The following DCHS2 variants were observed in gnomAD, a reference collection of about 807,000 sequenced individuals.
DCHS2 encodes the protein dachsous cadherin-related 2.
A neutral mutation model predicts 182.4 loss-of-function variants in DCHS2; 142 were observed. The observed-to-expected ratio is 0.78, with a 90% CI of 0.68 to 0.89. The LOEUF is 0.89. Among genes scored for constraint, DCHS2 ranks in the 40% least tolerant of loss-of-function variants. DCHS2 has a pLI of 0.00. For missense variants in DCHS2, 4,319 were observed against 4,198.6 expected (o/e 1.03, Z -0.79); for synonymous variants, 1,740 against 1,663.3 (o/e 1.05, Z -1.12).
intron 1 of DCHS2, among the ~76,000 whole-genome samples, chr4:154,477,285 T>G (rs1735727882): frequency 6.6e-6 from 1 of 152,142 alleles, no homozygotes; most frequent in Non-Finnish European, 1.5e-5. Flanking sequence ...AATTCCATCA[T>G]GCAGATGCAA....
intron 14 of DCHS2, among the ~76,000 whole-genome samples, chr4:154,267,195 T>A (rs954088733): frequency 2.0e-5 from 3 of 152,188 alleles, no homozygotes; most frequent in African/African-American, 7.2e-5. Context: ...ATGATCTGCA[T>A]CAATCAATTA....
intron 1 of DCHS2, among the ~76,000 whole-genome samples, chr4:154,378,365 T>G (rs1731009188): frequency 6.6e-6 from 1 of 150,782 alleles, no homozygotes; most frequent in Non-Finnish European, 1.5e-5. Flanking sequence ...CAACTAACAG[T>G]AAGAGCAAAC....
chr4:154,328,086 G>A lies in DCHS2; in HGVS notation c.4018+7C>T, dbSNP rs1261209257. Reference sequence around the variant, plus strand: ...GTTCTTAATCCCGTATGAACAGTAAGTTTTACCTGAAGATACTGAGTATGT... The same window carrying A: ...GTTCTTAATCCCGTATGAACAGTAAATTTTACCTGAAGATACTGAGTATGT... On this transcript the variant is annotated splice_region_variant and intron_variant, in intron 7 of 19. Transcript: ENST00000357232. 6 of 1,588,742 alleles carry A rather than the reference G, an allele frequency of 3.8e-6. No individual in the cohort carries two copies.
chr4:154,391,428 A>G lies in DCHS2; in HGVS notation c.2053-13984T>C, dbSNP rs749581393. 279 of 1,316,904 alleles carry G rather than the reference A, an allele frequency of 2.1e-4. 1 individual carries two copies. The highest frequency in any genetic ancestry group is 2.7e-4 in the Non-Finnish European group (273 of 993,764). The allele number at this position is 1,316,904 out of a possible 1,614,324, so 81.6% of individuals were successfully genotyped here. ...CACTTGCAGCATAAAGAAAGCGTTC[A>G]AAACTAAAAATAGGCAGATCAGAGA... is the stretch of plus-strand genomic sequence containing the variant. On this transcript the variant is annotated intron_variant, in intron 1 of 19. Transcript: ENST00000357232.
chr4:154,413,327 GT>G (rs1579059807), intron 1 of DCHS2, among the ~76,000 whole-genome samples: 2 of 152,110 alleles, frequency 1.3e-5, no homozygotes, highest in Non-Finnish European at 2.9e-5. Context: ...AATGTTAAGA[GT>G]TATGGTGTAG....
At chr4:154,417,282 C>T (rs993162101) in intron 1 of DCHS2, among the ~76,000 whole-genome samples, 1 of 146,312 alleles carries the variant, frequency 6.8e-6, no homozygotes, top group African/African-American at 2.5e-5. Flanking sequence ...GTCATTCTTC[C>T]CGTTTACAGT....
At chr4:154,289,194 C>T (rs1200388835) in intron 13 of DCHS2, among the ~76,000 whole-genome samples, 3 of 151,888 alleles carry the variant, frequency 2.0e-5, no homozygotes, top group African/African-American at 7.2e-5. Flanking sequence ...AAACCTTTAG[C>T]CAGACTCAGA....
chr4:154,347,298 A>C (rs1729404218), intron 3 of DCHS2, among the ~76,000 whole-genome samples: 1 of 149,876 alleles, frequency 6.7e-6, no homozygotes, highest in Admixed American at 6.7e-5. Flanking sequence ...TCTTAAAAGC[A>C]AGGCAAGAAA....
intron 3 of DCHS2, chr4:154,343,624 C>T (rs1449762087): frequency 6.7e-7 from 1 of 1,502,918 alleles, no homozygotes; most frequent in Non-Finnish European, 8.9e-7. Flanking sequence ...TTTTCTGCAG[C>T]TTCCTCATCT....
At chr4:154,318,683 CA>C (rs1160920301) in intron 9 of DCHS2, among the ~76,000 whole-genome samples, 1 of 151,876 alleles carries the variant, frequency 6.6e-6, no homozygotes, top group Non-Finnish European at 1.5e-5. Context: ...AGCCACAAAA[CA>C]ATGATGAAAG....
chr4:154,343,712 G>A, intron 3 of DCHS2: 1 of 1,319,318 alleles, frequency 7.6e-7, no homozygotes, highest in Non-Finnish European at 9.7e-7. Context: ...TGATGTGGCT[G>A]CTTTGATCTA....
rs553250034 is a variant in DCHS2, at chr4:154,237,827, T to C, written c.7493-668A>G. On this transcript the variant is annotated intron_variant, in intron 19 of 19. Coordinates refer to ENST00000357232, the MANE Select transcript of DCHS2 (RefSeq NM_001358235.2). ...ACAGAATGCTGACATTTAAATGCCA[T>C]GTTTCAGTTAGAGTCCCACCATGAA... 3.3e-5 allele frequency among the ~76,000 whole-genome samples: 5 copies of C among 152,322 alleles called. 1 individual carries two copies. The South Asian group carries it at 1.0e-3, about 32-fold the overall frequency.
chr4:154,387,071 A>T (rs1731453716), intron 1 of DCHS2, among the ~76,000 whole-genome samples: 1 of 152,234 alleles, frequency 6.6e-6, no homozygotes, highest in African/African-American at 2.4e-5. Context: ...AATGTATGTT[A>T]AGAGAGACTC....
chr4:154,358,701 C>T (rs896999421), intron 3 of DCHS2, among the ~76,000 whole-genome samples: 24 of 151,896 alleles, frequency 1.6e-4, no homozygotes, highest in African/African-American at 5.6e-4. Context: ...CAAACATTCA[C>T]TTTTTTAAAC....
intron 16 of DCHS2, among the ~76,000 whole-genome samples, chr4:154,247,859 T>C (rs1457392251): frequency 6.6e-6 from 1 of 152,156 alleles, no homozygotes; most frequent in East Asian, 1.9e-4. Flanking sequence ...TGTGGCACCT[T>C]TTCCTGCAAA....
At chr4:154,340,434 T>C (rs1404219741) in intron 3 of DCHS2, among the ~76,000 whole-genome samples, 1 of 152,216 alleles carries the variant, frequency 6.6e-6, no homozygotes, top group Non-Finnish European at 1.5e-5. Context: ...AATTAATATC[T>C]ATACTATATT....
chr4:154,411,275 A>G (rs1466150889), intron 1 of DCHS2, among the ~76,000 whole-genome samples: 1 of 152,168 alleles, frequency 6.6e-6, no homozygotes, highest in Non-Finnish European at 1.5e-5. Flanking sequence ...GATGTAGGTC[A>G]AAGAATACAA....
At position 154,269,198 on chromosome 4, in the gene DCHS2, C is replaced by T. The variant is rs1733448546; in HGVS notation, c.6577+702G>A. 4 of 152,124 alleles carry T rather than the reference C, an allele frequency of 2.6e-5. 1 individual carries two copies. The South Asian group carries it at 6.2e-4, about 24-fold the overall frequency. 9.4% of individuals were successfully genotyped at this position (152,124 alleles called of 1,614,324 possible). ...ACCACCCTGGATGAAAGGACATTTA[C>T]CTAAGGAATTACCCGCTCTCAATTC... is the stretch of plus-strand genomic sequence containing the variant. On this transcript the variant is annotated intron_variant, in intron 14 of 19. Transcript: ENST00000357232.
intron 1 of DCHS2, among the ~76,000 whole-genome samples, chr4:154,449,825 T>C (rs1173029096): frequency 3.0e-4 from 45 of 152,232 alleles, no homozygotes; most frequent in Non-Finnish European, 4.4e-5. Flanking sequence ...TAGGGCATCA[T>C]TTGTTTGCCT....
Sources: gnomAD v4.1 joint callset for allele counts (sites outside exome capture counted in the v4.1 genomes callset) on GRCh38, gnomAD v4.1.1 for gene constraint, MANE v1.5 for transcripts, NCBI Gene and HGNC (gene_info 2026-07-23, HGNC 2026-07-21) for gene names.